RPN1: variants seen among roughly 807,000 people sequenced by gnomAD.
RPN1 encodes the protein ribophorin I, also known as dolichyl-diphosphooligosaccharide--protein glycosyltransferase subunit 1.
RPN1 carries 12 observed loss-of-function variants against 55.5 expected under a neutral mutation model. The observed-to-expected ratio is 0.22, with a 90% CI of 0.14 to 0.35. The LOEUF is 0.35. Ranked by LOEUF, RPN1 falls within the 10% of genes least tolerant of loss-of-function variation. The pLI, the probability that RPN1 is intolerant of heterozygous loss-of-function variation, is 1.00. For missense variants in RPN1, 679 were observed against 761.3 expected, an observed-to-expected ratio of 0.89 and a Z score of 1.27; for synonymous variants, 317 against 305.9, an observed-to-expected ratio of 1.04 and a Z score of -0.38.
In RPN1 at chr3:128,625,605, C is replaced by A. The variant is rs1225233244; in HGVS notation, c.1324G>T (p.Val442Leu). 2 of 1,614,084 alleles carry A rather than the reference C, an allele frequency of 1.2e-6. No homozygotes were observed. Among genetic ancestry groups the A allele is most frequent in the Non-Finnish European group, 1.7e-6 (2 of 1,180,010 alleles). Residue 442 changes from valine to leucine, a missense_variant, in exon 8 of 10, where the codon GTG becomes TTG. Around this residue, in one of 3 missense-constraint regions of RPN1, gnomAD observed 306 missense variants for 360.0 expected, o/e 0.85. Transcript: ENST00000296255. ...KVLMLQEPLL[V>L]VAAFYILFFT... ...AACAGGATGTAGAAGGCCGCCACCA[C>A]CAGCAGGGGCTCCTGCAGCATGAGC...
At chr3:128,646,832 G>A (rs548113540) in intron 1 of RPN1, among the ~76,000 whole-genome samples, 8 of 151,862 alleles carry the variant, frequency 5.3e-5, no homozygotes, top group Non-Finnish European at 8.8e-5. Flanking sequence ...AATTAGCTGG[G>A]TGTGGTGGCA....
intron 1 of RPN1, among the ~76,000 whole-genome samples, chr3:128,645,766 G>A (rs2002849): frequency 0.61 from 92,764 of 151,900 alleles, 28,487 homozygotes; most frequent in East Asian, 0.77. Flanking sequence ...GCAGTGAGCC[G>A]AGATTGCACC....
At chr3:128,633,801 G>C (rs1284818652) in intron 3 of RPN1, among the ~76,000 whole-genome samples, 1 of 151,840 alleles carries the variant, frequency 6.6e-6, no homozygotes, top group Non-Finnish European at 1.5e-5. Context: ...TGGCCAATAT[G>C]GTGAAACCCC....
intron 1 of RPN1, among the ~76,000 whole-genome samples, chr3:128,647,749 T>C (rs573427537): frequency 1.3e-5 from 2 of 151,822 alleles, no homozygotes; most frequent in East Asian, 3.9e-4. Context: ...GGAACTCTCA[T>C]TGTGTTCAGT....
At position 128,632,210 on chromosome 3, in the gene RPN1, T is replaced by C. The variant is rs2069647530; in HGVS notation, c.634-53A>G. ...AGTTTTGGCAACAGAGAATGCACCA[T>C]TAGTTTAAATCAGATTGATTGGAGA... On this transcript the variant is annotated intron_variant, in intron 3 of 9. Transcript: ENST00000296255. 16 of 1,542,522 alleles carry C rather than the reference T, an allele frequency of 1.0e-5. No individual in the cohort carries two copies. In the South Asian group the frequency reaches 1.7e-4, roughly 16 times the overall value.
intron 8 of RPN1, among the ~76,000 whole-genome samples, chr3:128,622,711 G>A (rs1232450791): frequency 1.3e-5 from 2 of 151,814 alleles, no homozygotes; most frequent in African/African-American, 4.8e-5. Flanking sequence ...TGACCAATAT[G>A]GTGACATCCC....
intron 3 of RPN1, among the ~76,000 whole-genome samples, chr3:128,632,947 C>T (rs2069651990): frequency 6.6e-6 from 1 of 152,126 alleles, no homozygotes; most frequent in East Asian, 1.9e-4. Context: ...TACTACCTCT[C>T]AATAAGGCCC....
chr3:128,623,354 T>C (rs1048456697), intron 8 of RPN1, among the ~76,000 whole-genome samples: 2 of 152,028 alleles, frequency 1.3e-5, no homozygotes, highest in African/African-American at 4.8e-5. Context: ...CTAGCCAACA[T>C]GGCAAAACCC....
intron 5 of RPN1, among the ~76,000 whole-genome samples, chr3:128,627,973 T>C: frequency 6.6e-6 from 1 of 152,210 alleles, no homozygotes. Flanking sequence ...TTAGAAAAAT[T>C]CAGGCCGGGC....
chr3:128,634,672 C>G (rs1391615866), intron 3 of RPN1, among the ~76,000 whole-genome samples: 2 of 151,584 alleles, frequency 1.3e-5, no homozygotes, highest in Non-Finnish European at 2.9e-5. Context: ...AAGTGATTCT[C>G]CTGCCTCGGC....
At chr3:128,634,031 C>A (rs1054214435) in intron 3 of RPN1, among the ~76,000 whole-genome samples, 1 of 151,492 alleles carries the variant, frequency 6.6e-6, no homozygotes, top group East Asian at 2.0e-4. Flanking sequence ...AACAAAAAAA[C>A]TGTTTACAGG....
chr3:128,621,800 A>G (rs548131547), intron 9 of RPN1, among the ~76,000 whole-genome samples: 5 of 152,338 alleles, frequency 3.3e-5, no homozygotes, highest in South Asian at 2.1e-4. Context: ...CAAACTCTGA[A>G]TCAGAGCCTG....
chr3:128,628,301 A>G (rs1422125219), intron 5 of RPN1, among the ~76,000 whole-genome samples: 6 of 48,370 alleles, frequency 1.2e-4, no homozygotes, highest in East Asian at 4.7e-4. Context: ...ACAGAAAAAA[A>G]AAAAAGAAAA....
chr3:128,622,271 G>C lies in RPN1; in HGVS notation c.1534C>G (p.Leu512Val). The change falls in exon 9 of 10, where the codon CTC becomes GTC. Residue 512 changes from leucine to valine, a missense_variant. Around this residue, in one of 3 missense-constraint regions of RPN1, gnomAD observed 306 missense variants for 360.0 expected, o/e 0.85. Coordinates refer to ENST00000296255, the MANE Select transcript of RPN1 (RefSeq NM_002950.4). ...TCCAGGCTCTTCTTGCCACTGTTGAGGGTGGAGATGTCCCGGGATTGCTTG... is the reference window on the plus strand; with the variant it reads ...TCCAGGCTCTTCTTGCCACTGTTGACGGTGGAGATGTCCCGGGATTGCTTG... ...RYKQSRDIST[L>V]NSGKKSLETE... 1 of 1,614,258 alleles carries C rather than the reference G, an allele frequency of 6.2e-7. No individual in the cohort carries two copies. Among genetic ancestry groups the C allele is most frequent in the East Asian group, 2.2e-5 (1 of 44,882 alleles).
At chr3:128,632,962 CA>C (rs1187802915) in intron 3 of RPN1, among the ~76,000 whole-genome samples, 1 of 152,180 alleles carries the variant, frequency 6.6e-6, no homozygotes, top group Non-Finnish European at 1.5e-5. Flanking sequence ...AGGCCCAACA[CA>C]CCTTGCTTCC....
At position 128,622,403 on chromosome 3, in the gene RPN1, C is replaced by T; in HGVS notation, c.1402G>A (p.Ala468Thr). The T allele has an allele frequency of 1.2e-6, 2 of 1,614,164 alleles. No homozygotes were observed. The highest frequency in any genetic ancestry group is 1.7e-6 in the Non-Finnish European group (2 of 1,180,014). The change falls in exon 9 of 10, where the codon GCC (alanine) becomes ACC (threonine). Residue 468 changes from alanine (A) to threonine (T), a missense_variant. This residue lies in a region of RPN1 where 306 missense variants were observed against 360.0 expected (regional missense o/e 0.85). Transcript: ENST00000296255. ...GCTACCTTCATCCTGGCTTCTGCGG[C>T]TGGATCCTGAAGGAAGGAGAGGCAC... is the stretch of plus-strand genomic sequence containing the variant. ...RLDFSITKDP[A>T]AEARMKVACI...
chr3:128,626,603 T>C (rs1305420795), intron 6 of RPN1, 130 bp downstream of exon 6: 1 of 742,096 alleles, frequency 1.3e-6, no homozygotes, highest in South Asian at 1.7e-5. Flanking sequence ...CAAGTAGATG[T>C]TCCCTGATAA....
intron 2 of RPN1, among the ~76,000 whole-genome samples, chr3:128,643,448 G>C (rs1035735182): frequency 3.3e-5 from 5 of 152,082 alleles, no homozygotes; most frequent in African/African-American, 1.2e-4. Flanking sequence ...CAGATCACCT[G>C]AAGTCAGAAG....
rs184023806 is a variant in RPN1, at chr3:128,634,772, A to G, written c.634-2615T>C. On this transcript the variant is annotated intron_variant, in intron 3 of 9. Coordinates refer to ENST00000296255, the MANE Select transcript of RPN1 (RefSeq NM_002950.4). ...GAGACGGGGTTTCACCATGTTGGCC[A>G]GGCTGGTCTCGAACTCCTGACCTCG... Among the ~76,000 whole-genome samples the G allele has an allele frequency of 5.5e-4, 83 of 152,178 alleles. No individual in the cohort carries two copies. In the East Asian group the frequency reaches 0.015, roughly 28 times the overall value.
Sources: allele counts gnomAD v4.1 joint callset (sites outside exome capture counted in the v4.1 genomes callset), GRCh38; gene constraint gnomAD v4.1.1; regional missense constraint gnomAD v4.1.1; transcripts MANE v1.5; gene names NCBI Gene and HGNC (gene_info 2026-07-23, HGNC 2026-07-21).